Variants in ZNF827 observed in about 807,000 individuals in gnomAD.
ZNF827 encodes the protein zinc finger protein 827.
In ZNF827, 13 loss-of-function variants were observed where a neutral mutation model predicts 102.4. The observed-to-expected ratio is 0.13, with a 90% CI of 0.08 to 0.20. The LOEUF is 0.20. Ranked by LOEUF, ZNF827 falls within the 10% of genes least tolerant of loss-of-function variation. ZNF827 has a pLI of 1.00. For missense variants in ZNF827, 1,103 were observed against 1,344.4 expected (o/e 0.82, Z 2.81); for synonymous variants, 523 against 536.2 (o/e 0.98, Z 0.34).
At position 145,802,888 on chromosome 4, in the gene ZNF827, C is replaced by T. The variant is rs369141093; in HGVS notation, c.2383+20534G>A. 3.5e-4 allele frequency among the ~76,000 whole-genome samples: 53 copies of T among 152,194 alleles called. No individual in the cohort carries two copies. The East Asian group carries it at 6.8e-3, about 19-fold the overall frequency. On this transcript the variant is annotated intron_variant, in intron 8 of 14. Coordinates refer to ENST00000508784, the MANE Select transcript of ZNF827 (RefSeq NM_001306215.2). ...CTTGGAGATTGAGGCTGCAGTGAGT[C>T]GAGATCACGCCACTGCCCTCCAGCC...
intron 1 of ZNF827, among the ~76,000 whole-genome samples, chr4:145,907,867 A>G (rs544191670): frequency 4.0e-4 from 61 of 152,230 alleles, no homozygotes; most frequent in Non-Finnish European, 6.6e-4. Flanking sequence ...TAAGAATAGC[A>G]ATGGTGCAAT....
rs1187143811 is a variant in ZNF827, at chr4:145,765,194, T to G, written c.3053-29A>C. ...CAAGGACCGAAGCTGGGTATAGAGGTGCACAGGGCAGCGGGGAGAGGAGGG... is the reference window on the plus strand; with the variant it reads ...CAAGGACCGAAGCTGGGTATAGAGGGGCACAGGGCAGCGGGGAGAGGAGGG... On this transcript the variant is annotated intron_variant, in intron 12 of 14. Coordinates refer to ENST00000508784, the MANE Select transcript of ZNF827 (RefSeq NM_001306215.2). The surrounding 1 kb of genome is among the most constrained non-coding windows in gnomAD (Gnocchi z 4.7). 6.4e-7 allele frequency: 1 copy of G among 1,571,208 alleles called. No individual in the cohort carries two copies. Among genetic ancestry groups the G allele is most frequent in the East Asian group, 2.2e-5 (1 of 44,500 alleles).
rs751870650 is a variant in ZNF827 at position 145,823,539 on chromosome 4, G to A, written c.2280-14C>T. ...GAAAAGAAAGGGCTGGGGTGGGGGA[G>A]GGGGAGTGAAGTTTAGTAAATTAAA... On this transcript the variant is annotated splice_polypyrimidine_tract_variant and intron_variant, in intron 7 of 14. Coordinates refer to ENST00000508784, the MANE Select transcript of ZNF827 (RefSeq NM_001306215.2). The A allele has an allele frequency of 6.4e-7, 1 of 1,574,266 alleles. No individual in the cohort carries two copies. The highest frequency in any genetic ancestry group is 8.7e-7 in the Non-Finnish European group (1 of 1,144,312).
At chr4:145,834,128 A>C (rs1157129053) in intron 7 of ZNF827, among the ~76,000 whole-genome samples, 1 of 152,160 alleles carries the variant, frequency 6.6e-6, no homozygotes, top group East Asian at 1.9e-4. Flanking sequence ...CTTGACCCCA[A>C]TACAAACTCG....
At chr4:145,879,358 G>T (rs1749479937) in intron 4 of ZNF827, among the ~76,000 whole-genome samples, 1 of 152,298 alleles carries the variant, frequency 6.6e-6, no homozygotes, top group East Asian at 1.9e-4. Flanking sequence ...ATTAATTATA[G>T]CTCTTAAAAT....
chr4:145,899,234 G>C (rs919784851), intron 2 of ZNF827, among the ~76,000 whole-genome samples: 2 of 149,534 alleles, frequency 1.3e-5, no homozygotes, highest in Non-Finnish European at 3.0e-5. Flanking sequence ...ATGCTTCTTA[G>C]ATAAATCGAA....
rs1184167284 is a variant in ZNF827, at chr4:145,938,663, T to G, written c.-256A>C. 1 of 520,632 alleles carries G rather than the reference T, an allele frequency of 1.9e-6. No homozygotes were observed. Among genetic ancestry groups the G allele is most frequent in the Non-Finnish European group, 3.4e-6 (1 of 290,956 alleles). The allele number at this position is 520,632 out of a possible 1,614,324, so 32.3% of individuals were successfully genotyped here. A position where few individuals can be genotyped will look rare whatever the true frequency, so the allele number is the denominator to read the frequency against. ...TAAATTTTTGGTCGTGCACCTGGCTTGTCCCCGAGCGTAATATTCTTCAAT... is the reference window on the plus strand; with the variant it reads ...TAAATTTTTGGTCGTGCACCTGGCTGGTCCCCGAGCGTAATATTCTTCAAT... On this transcript the variant is annotated 5_prime_UTR_variant, in exon 1 of 15. Coordinates refer to ENST00000508784, the MANE Select transcript of ZNF827 (RefSeq NM_001306215.2).
intron 7 of ZNF827, among the ~76,000 whole-genome samples, chr4:145,841,794 AT>A (rs1745446825): frequency 6.6e-6 from 1 of 152,184 alleles, no homozygotes. Context: ...TGATTCAATC[AT>A]TCAAGCTGCT....
chr4:145,803,146 AACAC>A (rs933919424), intron 8 of ZNF827, among the ~76,000 whole-genome samples: 2 of 152,118 alleles, frequency 1.3e-5, no homozygotes, highest in African/African-American at 4.8e-5. Flanking sequence ...ATTGTTATTT[AACAC>A]ACACATATGC....
In ZNF827 at chr4:145,849,249, A is replaced by T. The variant is rs560143315; in HGVS notation, c.2221+73T>A. On this transcript the variant is annotated intron_variant, in intron 6 of 14. Coordinates refer to ENST00000508784, the MANE Select transcript of ZNF827 (RefSeq NM_001306215.2). ...TCCTATAATTCAGGTTTTTTTTTTT[A>T]AAAAAAACTGTGTTAGAAGGGTTTT... The T allele has an allele frequency of 3.2e-4, 481 of 1,495,994 alleles. 1 individual carries two copies. The highest frequency in any genetic ancestry group is 2.6e-3 in the African/African-American group (185 of 70,550). 92.7% of individuals were successfully genotyped at this position (1,495,994 alleles called of 1,614,324 possible). A position where few individuals can be genotyped will look rare whatever the true frequency, so the allele number is the denominator to read the frequency against.
chr4:145,795,367 C>T (rs1369557025), intron 8 of ZNF827, among the ~76,000 whole-genome samples: 5 of 152,130 alleles, frequency 3.3e-5, no homozygotes, highest in African/African-American at 9.7e-5. Flanking sequence ...AGGCTGGTCT[C>T]GAACTCCTGC....
intron 7 of ZNF827, chr4:145,831,243 A>T (rs1481116474): frequency 6.6e-6 from 1 of 152,156 alleles, no homozygotes; most frequent in Non-Finnish European, 1.5e-5. Context: ...TGAAAGAGAA[A>T]ATTCTGTATT....
chr4:145,774,486 G>C lies in ZNF827; in HGVS notation c.2860+20C>G. On this transcript the variant is annotated intron_variant, in intron 11 of 14. Transcript: ENST00000508784. ...AGGGGATGGAGAAGGAGTGTGAGAA[G>C]GACAGACAGGAATGGTCACCTGTGT... 1 of 1,602,800 alleles carries C rather than the reference G, an allele frequency of 6.2e-7. No homozygotes were observed.
chr4:145,899,350 G>A (rs1184867314), intron 2 of ZNF827, among the ~76,000 whole-genome samples: 3 of 152,044 alleles, frequency 2.0e-5, no homozygotes, highest in African/African-American at 4.8e-5. Context: ...GAGGGTAGAG[G>A]GGACAGATGG....
rs774768475 is a variant in ZNF827 at position 145,761,324 on chromosome 4, T to TGCA, written c.*289_*291dup. 3 of 1,289,958 alleles carry TGCA rather than the reference T, an allele frequency of 2.3e-6. No homozygotes were observed. The allele number at this position is 1,289,958 out of a possible 1,614,324, so 79.9% of individuals were successfully genotyped here. A position where few individuals can be genotyped will look rare whatever the true frequency, so the allele number is the denominator to read the frequency against. Reference sequence around the variant, plus strand: ...TGCAGGTTGAGATTGTCCTTGCGCTTGCAGCTGTAGCTGCACTGGTCACAG... The same window carrying TGCA: ...TGCAGGTTGAGATTGTCCTTGCGCTTGCAGCAGCTGTAGCTGCACTGGTCACAG... On this transcript the variant is annotated 3_prime_UTR_variant, in exon 15 of 15. Transcript: ENST00000508784. This position sits in a 1 kb window ranked among gnomAD's most constrained non-coding sequence, Gnocchi z 6.8.
At position 145,764,477 on chromosome 4, in the gene ZNF827, T is replaced by G. The variant is rs1469624238; in HGVS notation, c.3230+511A>C. Among the ~76,000 whole-genome samples the G allele has an allele frequency of 2.6e-5, 4 of 152,224 alleles. No individual in the cohort carries two copies. In the East Asian group the frequency reaches 5.8e-4, roughly 22 times the overall value. On this transcript the variant is annotated intron_variant, in intron 13 of 14. Transcript: ENST00000508784. ...TCTTGGGAAGAAGACATCAGTATGTTTGCAGGAGGATCATGAAGCACATGA... is the reference window on the plus strand; with the variant it reads ...TCTTGGGAAGAAGACATCAGTATGTGTGCAGGAGGATCATGAAGCACATGA...
intron 7 of ZNF827, among the ~76,000 whole-genome samples, chr4:145,837,973 A>G (rs1745038080): frequency 6.6e-6 from 1 of 151,726 alleles, no homozygotes; most frequent in Admixed American, 6.6e-5. Flanking sequence ...CTCTCTCCAT[A>G]CCACCCCCCA....
Position 145,762,331 on chromosome 4 carries a change from G to A in ZNF827, c.*18-733C>T, listed in dbSNP as rs988473717. 6.6e-6 allele frequency among the ~76,000 whole-genome samples: 1 copy of A among 152,236 alleles called. No homozygotes were observed. Among genetic ancestry groups the A allele is most frequent in the African/African-American group, 2.4e-5 (1 of 41,464 alleles). ...ACCCAACGGCCCATCTGCTAATGAG[G>A]AAGGGAGGAGGGAGGGAGACAACTG... is the stretch of plus-strand genomic sequence containing the variant. On this transcript the variant is annotated intron_variant, in intron 14 of 14. Transcript: ENST00000508784. The surrounding 1 kb of genome is among the most constrained non-coding windows in gnomAD (Gnocchi z 4.9).
chr4:145,786,225 TG>T (rs1434496407), intron 8 of ZNF827, among the ~76,000 whole-genome samples: 2 of 152,226 alleles, frequency 1.3e-5, no homozygotes, highest in Non-Finnish European at 2.9e-5. Context: ...CTATATTTGG[TG>T]TATTGTTTGG....
Sources: gnomAD v4.1 joint callset for allele counts (sites outside exome capture counted in the v4.1 genomes callset) on GRCh38, gnomAD v4.1.1 for gene constraint, Gnocchi (gnomAD v3.1) non-coding constraint, MANE v1.5 for transcripts, NCBI Gene and HGNC (gene_info 2026-07-23, HGNC 2026-07-21) for gene names.